The following DCHS1 variants were observed in gnomAD, a reference collection of about 807,000 sequenced individuals.
The protein encoded by DCHS1 is protocadherin-16.
DCHS1 carries 78 observed loss-of-function variants against 213.9 expected under a neutral mutation model. The observed-to-expected ratio is 0.36, with a 90% CI of 0.30 to 0.44. The LOEUF is 0.44. Ranked by LOEUF, DCHS1 falls within the 20% of genes least tolerant of loss-of-function variation. The pLI is 1.00. For synonymous variants in DCHS1, 1,828 were observed against 1,873.7 expected, an observed-to-expected ratio of 0.98 and a Z score of 0.63; for missense variants, 3,946 against 4,395.9, an observed-to-expected ratio of 0.90 and a Z score of 2.89.
In DCHS1 at chr11:6,633,789, C is replaced by T; in HGVS notation, c.2218G>A (p.Gly740Arg). ...PPLFTLDEQS[G>R]LLTVAWPLAR... The stretch of plus-strand genomic sequence containing the variant: ...GCCCCGGGAATGGGAGGATCCTCAC[C>T]TGATTGCTCATCCAAGGTAAAAAGT... Residue 740 changes from glycine (G) to arginine (R), a missense_variant and splice_region_variant, in exon 4 of 21, where the codon GGG becomes AGG. By Grantham distance (125) the Gly-to-Arg change is moderately radical. This residue lies in a region of DCHS1 where 3,384 missense variants were observed against 3,780.1 expected (regional missense o/e 0.90). Coordinates refer to ENST00000299441, the MANE Select transcript of DCHS1 (RefSeq NM_003737.4). 1 of 1,612,934 alleles carries T rather than the reference C, an allele frequency of 6.2e-7. No homozygotes were observed. Among genetic ancestry groups the T allele is most frequent in the Non-Finnish European group, 8.5e-7 (1 of 1,179,680 alleles).
chr11:6,649,945 A>G (rs1000887004), intron 1 of DCHS1, among the ~76,000 whole-genome samples: 6 of 152,196 alleles, frequency 3.9e-5, no homozygotes, highest in Non-Finnish European at 5.9e-5. Context: ...TAACTAAGTT[A>G]ATAGCTGAAC....
rs1855743575 is a variant in DCHS1 at position 6,623,670 on chromosome 11, G to A, written c.8006C>T (p.Thr2669Ile). The change falls in exon 21 of 21, where the codon ACC becomes ATC. Residue 2669 changes from threonine (T) to isoleucine (I), a missense_variant. By Grantham distance (89) the Thr-to-Ile change is moderately conservative. Transcript: ENST00000299441. Reference sequence around the variant, plus strand: ...TACTACAAGCTGATGTCGAGCCTGGGTCTCACAGTCCAGGGCATGGGCCAG... The same window carrying A: ...TACTACAAGCTGATGTCGAGCCTGGATCTCACAGTCCAGGGCATGGGCCAG... Reference protein sequence around the residue: ...LRLAHALDCETQARHQLVVQA... With the variant: ...LRLAHALDCEIQARHQLVVQA... 1 of 1,613,840 alleles carries A rather than the reference G, an allele frequency of 6.2e-7. No individual in the cohort carries two copies. Among genetic ancestry groups the A allele is most frequent in the Non-Finnish European group, 8.5e-7 (1 of 1,179,898 alleles).
rs1855909632 is a variant in DCHS1 at position 6,631,665 on chromosome 11, G to A, written c.3626C>T (p.Pro1209Leu). 6.2e-7 allele frequency: 1 copy of A among 1,606,010 alleles called. No homozygotes were observed. The highest frequency in any genetic ancestry group is 1.7e-5 in the Admixed American group (1 of 58,992). Residue 1209 changes from proline to leucine, a missense_variant, in exon 7 of 21, where the codon CCC (proline) becomes CTC (leucine). This residue lies in a region of DCHS1 where 3,384 missense variants were observed against 3,780.1 expected (regional missense o/e 0.90). Transcript: ENST00000299441. ...VAVLDLNDNS[P>L]TFLQASGAAG... ...AGCTCCTGAAGCCTGCAGGAACGTG[G>A]GGCTGTTGTCGTTGAGGTCAAGCAC...
chr11:6,628,787 G>A lies in DCHS1; in HGVS notation c.5205C>T (p.Val1735=). 6.2e-7 allele frequency: 1 copy of A among 1,614,010 alleles called. No individual in the cohort carries two copies. Among genetic ancestry groups the A allele is most frequent in the African/African-American group, 1.3e-5 (1 of 75,056 alleles). ...DRGSPPQLTH[V]TVRVAVEDEN... is the part of the protein sequence containing the mutation. The stretch of plus-strand genomic sequence containing the variant: ...CATCCTCCACAGCCACTCGAACAGT[G>A]ACATGCGTTAACTGAGGAGGTGAGC... Residue 1735 remains valine, a synonymous_variant, in exon 13 of 21, where the codon GTC becomes GTT. Coordinates refer to ENST00000299441, the MANE Select transcript of DCHS1 (RefSeq NM_003737.4). This position sits in a 1 kb window ranked among gnomAD's most constrained non-coding sequence, Gnocchi z 4.3.
In DCHS1 at chr11:6,641,957, T is replaced by C. The variant is rs1036210303; in HGVS notation, c.-120-224A>G. Among the ~76,000 whole-genome samples, 21 of 152,238 alleles carry C rather than the reference T, an allele frequency of 1.4e-4. No homozygotes were observed. The highest frequency in any genetic ancestry group is 9.8e-4 in the Admixed American group (15 of 15,282). ...TCCTTTCCTACCCTCAGCAGATTTT[T>C]ATGCATCCTATTTTTTCGGGTCTGA... is the stretch of plus-strand genomic sequence containing the variant. On this transcript the variant is annotated intron_variant, in intron 1 of 20. Coordinates refer to ENST00000299441, the MANE Select transcript of DCHS1 (RefSeq NM_003737.4). The surrounding 1 kb of genome is among the most constrained non-coding windows in gnomAD (Gnocchi z 7.1).
chr11:6,624,150 G>A lies in DCHS1; in HGVS notation c.7526C>T (p.Ala2509Val). 6.2e-7 allele frequency: 1 copy of A among 1,612,338 alleles called. No homozygotes were observed. Among genetic ancestry groups the A allele is most frequent in the Non-Finnish European group, 8.5e-7 (1 of 1,179,364 alleles). ...STLLTLEATD[A>V]DGSRSHAAVD... The stretch of plus-strand genomic sequence containing the variant: ...AGCGGCATGGCTGCGGCTTCCATCA[G>A]CATCTGTAGCCTCCAGGGTGAGCAG... The change falls in exon 21 of 21, where the codon GCT (alanine) becomes GTT (valine). Residue 2509 changes from alanine (A) to valine (V), a missense_variant. By Grantham distance (64) the Ala-to-Val change is moderately conservative. Around this residue, in one of 3 missense-constraint regions of DCHS1, gnomAD observed 3,384 missense variants for 3,780.1 expected, o/e 0.90. Coordinates refer to ENST00000299441, the MANE Select transcript of DCHS1 (RefSeq NM_003737.4).
intron 1 of DCHS1, among the ~76,000 whole-genome samples, chr11:6,646,217 T>C (rs531416695): frequency 6.6e-6 from 1 of 152,062 alleles, no homozygotes; most frequent in South Asian, 2.1e-4. Context: ...GCACTCACAC[T>C]TGAAGACCCA....
intron 1 of DCHS1, among the ~76,000 whole-genome samples, chr11:6,645,915 C>T (rs1158008226): frequency 1.3e-5 from 2 of 152,152 alleles, no homozygotes; most frequent in Non-Finnish European, 2.9e-5. Flanking sequence ...CAGAGGCTTG[C>T]TTTAACATAC....
At chr11:6,653,860 G>A (rs1856279113) in intron 1 of DCHS1, among the ~76,000 whole-genome samples, 1 of 152,178 alleles carries the variant, frequency 6.6e-6, no homozygotes, top group Non-Finnish European at 1.5e-5. Context: ...GTCATTATGA[G>A]GTCAAAGAGT....
At chr11:6,634,068 G>A (rs1474653554) in intron 3 of DCHS1, 48 bp from the exon 4 acceptor site, 1 of 1,603,250 alleles carries the variant, frequency 6.2e-7, no homozygotes, top group African/African-American at 1.3e-5. Context: ...TCTGGCCCTG[G>A]TGAGTGCCCT....
chr11:6,628,643 C>A lies in DCHS1; in HGVS notation c.5349G>T (p.Gly1783=), dbSNP rs544476119. Residue 1783 remains glycine, a synonymous_variant, in exon 13 of 21, where the codon GGG becomes GGT. Transcript: ENST00000299441. The surrounding 1 kb of genome is among the most constrained non-coding windows in gnomAD (Gnocchi z 4.3). The stretch of plus-strand genomic sequence containing the variant: ...CACCTAGGATGCGGTACTGCAACTG[C>A]CCATTGGCTCCCACATCTGGATCAG... ...RASDPDVGAN[G]QLQYRILDGD... The A allele has an allele frequency of 1.9e-6, 3 of 1,613,896 alleles. No individual in the cohort carries two copies. The highest frequency in any genetic ancestry group is 1.7e-5 in the Admixed American group (1 of 60,002).
Position 6,632,791 on chromosome 11 carries a change from A to G in DCHS1, c.2721T>C (p.Thr907=). Residue 907 remains threonine, a synonymous_variant, in exon 6 of 21, where the codon ACT becomes ACC. Transcript: ENST00000299441. The surrounding 1 kb of genome is among the most constrained non-coding windows in gnomAD (Gnocchi z 5.9). Reference sequence around the variant, plus strand: ...GTGTATAGATGGGAGTCCCTGGGGCAGTGTTTGGTGGTAGCAATACCGTGT... The same window carrying G: ...GTGTATAGATGGGAGTCCCTGGGGCGGTGTTTGGTGGTAGCAATACCGTGT... ...PEDTVLLPPN[T]APGTPIYTLR... 1 of 1,613,862 alleles carries G rather than the reference A, an allele frequency of 6.2e-7. No individual in the cohort carries two copies. The highest frequency in any genetic ancestry group is 8.5e-7 in the Non-Finnish European group (1 of 1,179,830).
rs768042103 is a variant in DCHS1 at position 6,640,883 on chromosome 11, G to C, written c.731C>G (p.Thr244Arg). The part of the protein sequence containing the change: ...PRRAQALLDV[T>R]LLDINDHAPA... Reference sequence around the variant, plus strand: ...GGCATGGTCATTGATGTCCAGCAGTGTCACGTCCAGCAGGGCCTGGGCCCT... The same window carrying C: ...GGCATGGTCATTGATGTCCAGCAGTCTCACGTCCAGCAGGGCCTGGGCCCT... The change falls in exon 2 of 21, where the codon ACA becomes AGA. Residue 244 changes from threonine (T) to arginine (R), a missense_variant. Thr to Arg is a moderately conservative substitution (Grantham distance 71). This residue lies in a region of DCHS1 where 3,384 missense variants were observed against 3,780.1 expected (regional missense o/e 0.90). Coordinates refer to ENST00000299441, the MANE Select transcript of DCHS1 (RefSeq NM_003737.4). This position sits in a 1 kb window ranked among gnomAD's most constrained non-coding sequence, Gnocchi z 6.5. The C allele has an allele frequency of 6.8e-6, 11 of 1,613,950 alleles. No homozygotes were observed. The South Asian group carries it at 1.2e-4, about 18-fold the overall frequency.
chr11:6,622,560 G>A lies in DCHS1; in HGVS notation c.9116C>T (p.Ala3039Val). 1 of 1,580,610 alleles carries A rather than the reference G, an allele frequency of 6.3e-7. No homozygotes were observed. Among genetic ancestry groups the A allele is most frequent in the Non-Finnish European group, 8.6e-7 (1 of 1,163,994 alleles). ...GATCATGCGGATCTCATCATCCTCT[G>A]CAGCCTCTGCTGATCCTCGGCCACT... Reference protein sequence around the residue: ...HSSGRGSAEAAEDDEIRMINE... With the variant: ...HSSGRGSAEAVEDDEIRMINE... The change falls in exon 21 of 21, where the codon GCA (alanine) becomes GTA (valine). Residue 3039 changes from alanine (A) to valine (V), a missense_variant. By Grantham distance (64) the Ala-to-Val change is moderately conservative. This residue lies in a region of DCHS1 where 554 missense variants were observed against 590.2 expected (regional missense o/e 0.94). Coordinates refer to ENST00000299441, the MANE Select transcript of DCHS1 (RefSeq NM_003737.4). This position sits in a 1 kb window ranked among gnomAD's most constrained non-coding sequence, Gnocchi z 5.4.
chr11:6,643,352 G>T (rs965486827), intron 1 of DCHS1, among the ~76,000 whole-genome samples: 1 of 152,058 alleles, frequency 6.6e-6, no homozygotes, highest in African/African-American at 2.4e-5. Flanking sequence ...CTCCCTCTAC[G>T]CAGTGAGGCT....
Position 6,625,055 on chromosome 11 carries a change from G to T in DCHS1, c.7146+143C>A. On this transcript the variant is annotated intron_variant, in intron 19 of 20. Coordinates refer to ENST00000299441, the MANE Select transcript of DCHS1 (RefSeq NM_003737.4). The surrounding 1 kb of genome is among the most constrained non-coding windows in gnomAD (Gnocchi z 5.3). ...TTCTGGGTACAGGATGCAAAACCAG[G>T]ATGTAGTTCACAGGACTTGGGACCT... 1 of 1,374,738 alleles carries T rather than the reference G, an allele frequency of 7.3e-7. No individual in the cohort carries two copies. Among genetic ancestry groups the T allele is most frequent in the Non-Finnish European group, 9.9e-7 (1 of 1,013,484 alleles). The allele number at this position is 1,374,738 out of a possible 1,614,324, so 85.2% of individuals were successfully genotyped here.
chr11:6,653,835 G>C (rs1204317731), intron 1 of DCHS1, among the ~76,000 whole-genome samples: 1 of 152,162 alleles, frequency 6.6e-6, no homozygotes, highest in Non-Finnish European at 1.5e-5. Flanking sequence ...AAAACAAAGA[G>C]GTCAAGGGCA....
rs143438025 is a variant in DCHS1, at chr11:6,640,230, C to G, written c.1384G>C (p.Val462Leu). 1 of 1,612,732 alleles carries G rather than the reference C, an allele frequency of 6.2e-7. No homozygotes were observed. The highest frequency in any genetic ancestry group is 1.3e-5 in the African/African-American group (1 of 75,032). The change falls in exon 2 of 21, where the codon GTC becomes CTC. Residue 462 changes from valine (V) to leucine (L), a missense_variant. Physicochemically the swap from Val to Leu is conservative, Grantham distance 32. Coordinates refer to ENST00000299441, the MANE Select transcript of DCHS1 (RefSeq NM_003737.4). This position sits in a 1 kb window ranked among gnomAD's most constrained non-coding sequence, Gnocchi z 6.5. ...LRAEAAFVLH[V>L]TDVNDNAPAF... ...GGTGCATTGTCGTTGACATCAGTGA[C>G]GTGCAGCACAAAGGCAGCCTCAGCC...
chr11:6,632,084 C>A lies in DCHS1; in HGVS notation c.3428G>T (p.Ser1143Ile), dbSNP rs752701069. ...GCTGTCTTCAGACAGCTGTTGCAGG[C>A]TGTAGGTCAGACGTCCATTGGGTCC... Reference protein sequence around the residue: ...DSGPNGRLTYSLQQLSEDSKA... With the variant: ...DSGPNGRLTYILQQLSEDSKA... The change falls in exon 6 of 21, where the codon AGC becomes ATC. Residue 1143 changes from serine (S) to isoleucine (I), a missense_variant. Around this residue, in one of 3 missense-constraint regions of DCHS1, gnomAD observed 3,384 missense variants for 3,780.1 expected, o/e 0.90. Transcript: ENST00000299441. This position sits in a 1 kb window ranked among gnomAD's most constrained non-coding sequence, Gnocchi z 5.9. 2.6e-6 allele frequency: 4 copies of A among 1,543,680 alleles called. No homozygotes were observed. The highest frequency in any genetic ancestry group is 1.2e-5 in the South Asian group (1 of 80,076).
Sources: gnomAD v4.1 joint callset for allele counts (sites outside exome capture counted in the v4.1 genomes callset) on GRCh38, gnomAD v4.1.1 for gene constraint, gnomAD v4.1.1 regional missense constraint, Gnocchi (gnomAD v3.1) non-coding constraint, MANE v1.5 for transcripts, NCBI Gene and HGNC (gene_info 2026-07-23, HGNC 2026-07-21) for gene names.